The following SPMIP2 variants were observed in gnomAD, a reference collection of about 807,000 sequenced individuals.
SPMIP2 encodes the protein protein SPMIP2.
At chr4:158,996,296 G>A in the SPMIP2 span, among the ~76,000 whole-genome samples, 1 of 152,128 alleles carries the variant, frequency 6.6e-6, no homozygotes, top group Non-Finnish European at 1.5e-5. Flanking sequence ...TTGCAACCAG[G>A]TGAATCCACA....
chr4:159,052,360 G>A, the SPMIP2 span, among the ~76,000 whole-genome samples: 63 of 151,056 alleles, frequency 4.2e-4, no homozygotes, highest in East Asian at 0.012. Context: ...CATGAGTTAA[G>A]TAGACCCTGA....
chr4:159,081,174 A>C, the SPMIP2 span, among the ~76,000 whole-genome samples: 1 of 151,246 alleles, frequency 6.6e-6, no homozygotes, highest in Non-Finnish European at 1.5e-5. Context: ...AGTAGCTGGG[A>C]TTACAGGTGC....
chr4:159,047,738 T>A, the SPMIP2 span, among the ~76,000 whole-genome samples: 1 of 152,162 alleles, frequency 6.6e-6, no homozygotes. Context: ...TAGTTGACAG[T>A]GAGGTTGCCC....
chr4:158,916,121 C>T, the SPMIP2 span, among the ~76,000 whole-genome samples: 100 of 152,328 alleles, frequency 6.6e-4, 1 homozygote, highest in Middle Eastern at 3.4e-3. Context: ...AGATTTGCAT[C>T]GCCCTTCACT....
chr4:159,005,740 A>C, the SPMIP2 span, among the ~76,000 whole-genome samples: 2 of 152,194 alleles, frequency 1.3e-5, no homozygotes, highest in Non-Finnish European at 2.9e-5. Context: ...GATTAAACAA[A>C]GTATATTATT....
chr4:158,900,037 G>T, the SPMIP2 span, among the ~76,000 whole-genome samples: 2 of 152,232 alleles, frequency 1.3e-5, no homozygotes, highest in South Asian at 4.2e-4. Context: ...AAAGATTCGG[G>T]TACACTGTGT....
the SPMIP2 span, among the ~76,000 whole-genome samples, chr4:158,960,124 A>C: frequency 6.6e-6 from 1 of 152,062 alleles, no homozygotes; most frequent in Non-Finnish European, 1.5e-5. Flanking sequence ...GATAGTGCAT[A>C]TTTACTGTGT....
chr4:158,994,493 G>C, the SPMIP2 span, among the ~76,000 whole-genome samples: 1 of 152,098 alleles, frequency 6.6e-6, no homozygotes, highest in Non-Finnish European at 1.5e-5. Context: ...AAGGATGAGA[G>C]CTCACAGTTA....
the SPMIP2 span, chr4:158,904,402 A>G: frequency 7.2e-7 from 1 of 1,386,984 alleles, no homozygotes; most frequent in South Asian, 1.2e-5. Flanking sequence ...ATAAAAAGAA[A>G]TAATACTTTC....
At chr4:158,925,367 A>C in the SPMIP2 span, among the ~76,000 whole-genome samples, 2 of 151,892 alleles carry the variant, frequency 1.3e-5, no homozygotes, top group Non-Finnish European at 2.9e-5. Flanking sequence ...TTTCTATAAG[A>C]TCAGTAGTGA....
the SPMIP2 span, among the ~76,000 whole-genome samples, chr4:158,983,659 A>G: frequency 1.2e-5 from 1 of 83,018 alleles, no homozygotes; most frequent in Non-Finnish European, 2.4e-5. Context: ...AAACATGGAA[A>G]TGAACAACTG....
chr4:158,963,628 CT>C, the SPMIP2 span, among the ~76,000 whole-genome samples: 1 of 152,210 alleles, frequency 6.6e-6, no homozygotes, highest in Non-Finnish European at 1.5e-5. Flanking sequence ...TTCTCACCCC[CT>C]GGTATACACG....
At chr4:158,977,625 T>TTTTTTTTTTTTTTTG in the SPMIP2 span, among the ~76,000 whole-genome samples, 1 of 104,338 alleles carries the variant, frequency 9.6e-6, no homozygotes, top group Admixed American at 1.1e-4. Flanking sequence ...TTTTTTTTTT[T>TTTTTTTTTTTTTTTG]TCTCTTTGAG....
At chr4:159,041,238 T>G in the SPMIP2 span, among the ~76,000 whole-genome samples, 2 of 152,190 alleles carry the variant, frequency 1.3e-5, no homozygotes, top group African/African-American at 2.4e-5. Flanking sequence ...TCAACCCAAC[T>G]TCCCCCAGTT....
At chr4:159,049,564 C>A in the SPMIP2 span, among the ~76,000 whole-genome samples, 1 of 152,280 alleles carries the variant, frequency 6.6e-6, no homozygotes, top group Admixed American at 6.5e-5. Context: ...TCACCTCAAA[C>A]ACTTGTCATT....
chr4:158,937,396 A>C, the SPMIP2 span: 1 of 154,250 alleles, frequency 6.5e-6, no homozygotes, highest in African/African-American at 2.4e-5. Context: ...TGCAACCGAA[A>C]GGGGTTTATA....
chr4:159,009,629 T>G, the SPMIP2 span, among the ~76,000 whole-genome samples: 4 of 152,268 alleles, frequency 2.6e-5, no homozygotes, highest in South Asian at 8.3e-4. Flanking sequence ...TATCTTCAAA[T>G]GTCCCCATGT....
the SPMIP2 span, among the ~76,000 whole-genome samples, chr4:159,034,626 G>A: frequency 6.6e-6 from 1 of 152,196 alleles, no homozygotes; most frequent in East Asian, 1.9e-4. Context: ...CATGGTGGCT[G>A]ATGCCTGTAA....
At chr4:158,960,093 C>A in the SPMIP2 span, among the ~76,000 whole-genome samples, 1 of 151,988 alleles carries the variant, frequency 6.6e-6, no homozygotes, top group Non-Finnish European at 1.5e-5. Context: ...TTCCTTTTCT[C>A]CCCTTAATTA....
Sources: allele counts gnomAD v4.1 joint callset (sites outside exome capture counted in the v4.1 genomes callset), GRCh38; gene constraint gnomAD v4.1.1; transcripts MANE v1.5; gene names NCBI Gene and HGNC (gene_info 2026-07-23, HGNC 2026-07-21).